The following CASC3 variants were observed in gnomAD, a reference collection of about 807,000 sequenced individuals.
The protein encoded by CASC3 is CASC3 exon junction complex subunit.
Under a neutral mutation model 80.5 loss-of-function variants are expected in CASC3, and 30 were observed. That is an observed-to-expected ratio of 0.37 (90% CI 0.28 to 0.51). The LOEUF (loss-of-function observed/expected upper bound fraction) is 0.51, where lower values mean the gene tolerates loss of function less well. Among genes scored for constraint, CASC3 ranks in the 20% least tolerant of loss-of-function variants. The pLI, the probability that CASC3 is intolerant of heterozygous loss-of-function variation, is 0.94. For missense variants in CASC3, 824 were observed against 922.2 expected, an observed-to-expected ratio of 0.89 and a Z score of 1.38; for synonymous variants, 312 against 333.6, an observed-to-expected ratio of 0.94 and a Z score of 0.70.
intron 3 of CASC3, among the ~76,000 whole-genome samples, chr17:40,150,415 C>A (rs991870502): frequency 6.7e-6 from 1 of 148,940 alleles, no homozygotes; most frequent in African/African-American, 2.5e-5. Flanking sequence ...AGAGTGTGTG[C>A]GTGTGTGTGT....
intron 3 of CASC3, among the ~76,000 whole-genome samples, chr17:40,150,461 T>A (rs535764211): frequency 6.6e-6 from 1 of 151,266 alleles, no homozygotes; most frequent in Admixed American, 6.6e-5. Flanking sequence ...CCTTTGGCAA[T>A]GGAGTAGTCT....
rs758768649 is a variant in CASC3 at position 40,162,831 on chromosome 17, C to T, written c.715C>T (p.Leu239Phe). 1.7e-5 allele frequency: 28 copies of T among 1,614,020 alleles called. No homozygotes were observed. Among genetic ancestry groups the T allele is most frequent in the Non-Finnish European group, 2.1e-5 (25 of 1,180,026 alleles). The change falls in exon 6 of 14, where the codon CTT becomes TTT. Residue 239 changes from leucine to phenylalanine, a missense_variant. Leu to Phe is a conservative substitution (Grantham distance 22). Around this residue, in one of 3 missense-constraint regions of CASC3, gnomAD observed 201 missense variants for 294.1 expected, o/e 0.68. Transcript: ENST00000264645. ...AAAGTCCCGACAGGAGCTCATTGCT[C>T]TTTATGGTTATGACATTCGCTCAGC... ...APKSRQELIA[L>F]YGYDIRSAHN...
chr17:40,163,423 C>G (rs936508933), intron 6 of CASC3, 58 bp from the exon 7 acceptor site: 23 of 1,470,152 alleles, frequency 1.6e-5, no homozygotes, highest in Middle Eastern at 4.9e-4. Flanking sequence ...GCCTGAGCCA[C>G]CGCGCGTAGC....
chr17:40,143,100 T>A (rs866737356), intron 3 of CASC3, among the ~76,000 whole-genome samples: 3,745 of 141,166 alleles, frequency 0.027, 136 homozygotes, highest in African/African-American at 0.093. Context: ...AAAAAAAAAA[T>A]AAATAAATAA....
At chr17:40,166,941 CTTT>C in intron 8 of CASC3, 80 bp downstream of exon 8, 6 of 749,870 alleles carry the variant, frequency 8.0e-6, no homozygotes, top group Admixed American at 3.6e-5. Context: ...AAGATAAGGT[CTTT>C]TTTTTTTTTC....
chr17:40,163,858 C>G lies in CASC3; in HGVS notation c.1163C>G (p.Pro388Arg). 2 of 1,614,188 alleles carry G rather than the reference C, an allele frequency of 1.2e-6. No individual in the cohort carries two copies. The highest frequency in any genetic ancestry group is 1.1e-5 in the South Asian group (1 of 91,090). ...GCCTCAGAGCCACCAGCTGCTGCTCCTGATGCTGCACCACCACCCCCTGAT... is the reference window on the plus strand; with the variant it reads ...GCCTCAGAGCCACCAGCTGCTGCTCGTGATGCTGCACCACCACCCCCTGAT... ...EAASEPPAAAPDAAPPPPDRP... is the reference protein window; with the variant it reads ...EAASEPPAAARDAAPPPPDRP... Residue 388 changes from proline to arginine, a missense_variant, in exon 7 of 14, where the codon CCT becomes CGT. Transcript: ENST00000264645.
intron 3 of CASC3, 138 bp from the exon 4 acceptor site, chr17:40,161,615 G>A (rs1466028479): frequency 1.4e-6 from 1 of 730,888 alleles, no homozygotes; most frequent in Admixed American, 2.4e-5. Context: ...GGAGGCAGAG[G>A]TTACAGTGAG....
chr17:40,141,234 G>A lies in CASC3; in HGVS notation c.259G>A (p.Ala87Thr), dbSNP rs774335977. The change falls in exon 2 of 14, where the codon GCT becomes ACT. Residue 87 changes from alanine to threonine, a missense_variant and splice_region_variant. Ala to Thr is a moderately conservative substitution (Grantham distance 58). This residue lies in a region of CASC3 where 201 missense variants were observed against 294.1 expected (regional missense o/e 0.68). Coordinates refer to ENST00000264645, the MANE Select transcript of CASC3 (RefSeq NM_007359.5). ...GAGTGAAGATGGCATTGAAGGTGAT[G>A]GTGAGTAGCATCTTTTACCCCATTA... ...CESEDGIEGD[A>T]VLSDYESAED... 6.2e-6 allele frequency: 10 copies of A among 1,613,396 alleles called. No homozygotes were observed. Among genetic ancestry groups the A allele is most frequent in the Non-Finnish European group, 7.6e-6 (9 of 1,179,472 alleles).
rs1989576106 is a variant in CASC3 at position 40,170,862 on chromosome 17, GC to G, written c.*458del. ...TTTTTTCTCTTTGTTTCTGTTTCTT[GC>G]TCTCTCTCCCTGCCTTTAAATGAAA... On this transcript the variant is annotated 3_prime_UTR_variant, in exon 14 of 14. Coordinates refer to ENST00000264645, the MANE Select transcript of CASC3 (RefSeq NM_007359.5). 1 of 984,568 alleles carries G rather than the reference GC, an allele frequency of 1.0e-6. No individual in the cohort carries two copies. The highest frequency in any genetic ancestry group is 1.2e-6 in the Non-Finnish European group (1 of 829,516). The allele number at this position is 984,568 out of a possible 1,614,324, so 61.0% of individuals were successfully genotyped here. A position where few individuals can be genotyped will look rare whatever the true frequency, so the allele number is the denominator to read the frequency against.
At chr17:40,169,915 C>G (rs1188869622) in intron 13 of CASC3, among the ~76,000 whole-genome samples, 1 of 151,920 alleles carries the variant, frequency 6.6e-6, no homozygotes, top group Non-Finnish European at 1.5e-5. Flanking sequence ...ACCACCACAC[C>G]TGGCTAATTT....
intron 8 of CASC3, 106 bp downstream of exon 8, chr17:40,166,967 C>CT (rs751149013): frequency 7.7e-4 from 597 of 777,338 alleles, no homozygotes; most frequent in East Asian, 1.3e-3. Flanking sequence ...TTCTTTCTTT[C>CT]TTTTTTTTTG....
At chr17:40,147,796 T>G (rs1988897258) in intron 3 of CASC3, among the ~76,000 whole-genome samples, 1 of 152,192 alleles carries the variant, frequency 6.6e-6, no homozygotes, top group Admixed American at 6.5e-5. Context: ...GGTGTGGGAC[T>G]TTTAGGTGGT....
chr17:40,142,947 T>G (rs529979457), intron 3 of CASC3, among the ~76,000 whole-genome samples: 5 of 149,350 alleles, frequency 3.3e-5, no homozygotes, highest in African/African-American at 1.2e-4. Context: ...ATTAGCTTGG[T>G]GTGGTGATGC....
chr17:40,148,313 A>G (rs1988910053), intron 3 of CASC3, among the ~76,000 whole-genome samples: 1 of 151,374 alleles, frequency 6.6e-6, no homozygotes, highest in Non-Finnish European at 1.5e-5. Context: ...GGGACAGTGT[A>G]GGGCCCTGTC....
chr17:40,169,551 G>A (rs1180590657), intron 12 of CASC3, 47 bp from the exon 13 acceptor site: 6 of 1,582,536 alleles, frequency 3.8e-6, no homozygotes, highest in Non-Finnish European at 5.1e-6. Context: ...CTGGAAAACA[G>A]TCTTTTTGTT....
Position 40,171,923 on chromosome 17 carries a change from A to C in CASC3, c.*1518A>C. The C allele has an allele frequency of 7.9e-7, 1 of 1,265,412 alleles. No homozygotes were observed. The highest frequency in any genetic ancestry group is 1.0e-6 in the Non-Finnish European group (1 of 976,570). The allele number at this position is 1,265,412 out of a possible 1,614,324, so 78.4% of individuals were successfully genotyped here. On this transcript the variant is annotated 3_prime_UTR_variant, in exon 14 of 14. Coordinates refer to ENST00000264645, the MANE Select transcript of CASC3 (RefSeq NM_007359.5). Reference sequence around the variant, plus strand: ...ATAACTAAGAGATTCTTCTAGGGGTAGCTGGTGGTTGTGCCTTTTGTAGGC... The same window carrying C: ...ATAACTAAGAGATTCTTCTAGGGGTCGCTGGTGGTTGTGCCTTTTGTAGGC...
At chr17:40,158,667 G>T (rs1989212714) in intron 3 of CASC3, among the ~76,000 whole-genome samples, 1 of 152,134 alleles carries the variant, frequency 6.6e-6, no homozygotes, top group African/African-American at 2.4e-5. Context: ...CATGAACAGT[G>T]TTACCCAATC....
chr17:40,158,061 A>G (rs1989197326), intron 3 of CASC3, among the ~76,000 whole-genome samples: 1 of 152,170 alleles, frequency 6.6e-6, no homozygotes, highest in South Asian at 2.1e-4. Flanking sequence ...CTTCTATTGA[A>G]AAAAAATTTG....
intron 3 of CASC3, 68 bp from the exon 4 acceptor site, chr17:40,161,685 G>C (rs544745306): frequency 1.4e-6 from 2 of 1,382,868 alleles, no homozygotes; most frequent in Non-Finnish European, 2.0e-6. Context: ...GGGGTTGGGG[G>C]CAGGGGTGGG....
Sources: gnomAD v4.1 joint callset for allele counts (sites outside exome capture counted in the v4.1 genomes callset) on GRCh38, gnomAD v4.1.1 for gene constraint, gnomAD v4.1.1 regional missense constraint, MANE v1.5 for transcripts, NCBI Gene and HGNC (gene_info 2026-07-23, HGNC 2026-07-21) for gene names.